Variants in TRANK1 observed in about 807,000 individuals in gnomAD.
The protein encoded by TRANK1 is tetratricopeptide repeat and ankyrin repeat containing 1.
Under a neutral mutation model 266.0 loss-of-function variants are expected in TRANK1, and 198 were observed. That is an observed-to-expected ratio of 0.74 (90% CI 0.66 to 0.84). The LOEUF (loss-of-function observed/expected upper bound fraction) is 0.84, where lower values mean the gene tolerates loss of function less well. TRANK1 is among the 40% of genes least tolerant of loss of function. The pLI is 0.00. For synonymous variants in TRANK1, 1,396 were observed against 1,384.1 expected, an observed-to-expected ratio of 1.01 and a Z score of -0.19; for missense variants, 3,326 against 3,634.6, an observed-to-expected ratio of 0.92 and a Z score of 2.18.
At chr3:36,844,995 C>T (rs74824490) in intron 17 of TRANK1, among the ~76,000 whole-genome samples, 46 of 151,892 alleles carry the variant, frequency 3.0e-4, no homozygotes, top group African/African-American at 8.0e-4. Context: ...TCTCAGTTAT[C>T]GTATCAGGAG....
intron 1 of TRANK1, among the ~76,000 whole-genome samples, chr3:36,929,883 A>ATTATTG (rs2080337326): frequency 6.7e-6 from 1 of 148,940 alleles, no homozygotes; most frequent in African/African-American, 2.5e-5. Flanking sequence ...GATGCAGCAG[A>ATTATTG]TTGTTGTTGT....
chr3:36,940,226 A>T (rs911822308), intron 1 of TRANK1, among the ~76,000 whole-genome samples: 9 of 149,250 alleles, frequency 6.0e-5, no homozygotes, highest in African/African-American at 2.2e-4. Flanking sequence ...GGCCGGGCGC[A>T]GTGGCTCAAG....
intron 5 of TRANK1, among the ~76,000 whole-genome samples, chr3:36,894,566 C>G (rs998814135): frequency 2.0e-5 from 3 of 152,098 alleles, no homozygotes; most frequent in African/African-American, 7.2e-5. Flanking sequence ...TTTTTTAATA[C>G]AGGGGTAAGC....
At chr3:36,923,350 G>A (rs777403804) in intron 1 of TRANK1, among the ~76,000 whole-genome samples, 1 of 150,412 alleles carries the variant, frequency 6.6e-6, no homozygotes, top group Non-Finnish European at 1.5e-5. Flanking sequence ...CCAACTCCCA[G>A]GTTCATGCAA....
intron 8 of TRANK1, among the ~76,000 whole-genome samples, chr3:36,879,617 A>AAT (rs769000707): frequency 4.7e-5 from 2 of 42,616 alleles, no homozygotes; most frequent in Non-Finnish European, 1.0e-4. Context: ...TAAATATACA[A>AAT]ATATATATAA....
intron 1 of TRANK1, among the ~76,000 whole-genome samples, chr3:36,918,510 A>AAGGAAGGAAGGAAG (rs1559473205): frequency 2.7e-5 from 1 of 36,406 alleles, no homozygotes; most frequent in African/African-American, 1.2e-4. Context: ...AAAGAAAGAA[A>AAGGAAGGAAGGAAG]GAAAGAAAGA....
At chr3:36,903,858 G>GA (rs2079921432) in intron 2 of TRANK1, among the ~76,000 whole-genome samples, 1 of 152,218 alleles carries the variant, frequency 6.6e-6, no homozygotes, top group Non-Finnish European at 1.5e-5. Context: ...CAGGCCAGAA[G>GA]AAAAAGGAAA....
intron 7 of TRANK1, among the ~76,000 whole-genome samples, chr3:36,891,208 C>A (rs1159705486): frequency 6.6e-6 from 1 of 152,010 alleles, no homozygotes; most frequent in Non-Finnish European, 1.5e-5. Context: ...GGCGTGGTGG[C>A]GGGGGCCTGT....
At chr3:36,870,962 T>TAAAGAAAAAA (rs2079299065) in intron 9 of TRANK1, among the ~76,000 whole-genome samples, 1 of 65,100 alleles carries the variant, frequency 1.5e-5, no homozygotes, top group African/African-American at 5.8e-5. Context: ...ACAAGGAAAC[T>TAAAGAAAAAA]AAAAAAAAAA....
At chr3:36,898,649 A>G (rs1014228934) in intron 4 of TRANK1, among the ~76,000 whole-genome samples, 1 of 152,120 alleles carries the variant, frequency 6.6e-6, no homozygotes, top group African/African-American at 2.4e-5. Flanking sequence ...CAAGAGATTA[A>G]GGCCATCCTG....
In TRANK1 at chr3:36,833,312, G is replaced by T. The variant is rs755779716; in HGVS notation, c.6271C>A (p.Leu2091Ile). The stretch of plus-strand genomic sequence containing the variant: ...TTGAGAGCCCTGACCAGACTGAGGA[G>T]GATTTCCAAGCCCCCTGGAGCCAGG... ...LGLAPGGLEI[L>I]LSLVRALKRV... Residue 2091 changes from leucine (L) to isoleucine (I), a missense_variant, in exon 22 of 24, where the codon CTC (leucine) becomes ATC (isoleucine). By Grantham distance (5) the Leu-to-Ile change is conservative (BLOSUM62 2). Transcript: ENST00000645898. 6.2e-7 allele frequency: 1 copy of T among 1,613,986 alleles called. No individual in the cohort carries two copies. Among genetic ancestry groups the T allele is most frequent in the African/African-American group, 1.3e-5 (1 of 75,058 alleles).
intron 9 of TRANK1, among the ~76,000 whole-genome samples, chr3:36,865,183 G>A (rs1015768854): frequency 4.6e-5 from 7 of 151,494 alleles, no homozygotes; most frequent in Non-Finnish European, 1.0e-4. Context: ...ACTTGCCACC[G>A]CGCCTGGCTA....
chr3:36,849,313 G>A (rs908891969), intron 15 of TRANK1, among the ~76,000 whole-genome samples: 1 of 152,150 alleles, frequency 6.6e-6, no homozygotes, highest in African/African-American at 2.4e-5. Context: ...GATAGCTTGA[G>A]GGTGACTGGA....
intron 1 of TRANK1, among the ~76,000 whole-genome samples, chr3:36,925,525 C>G (rs776540728): frequency 4.0e-5 from 6 of 150,896 alleles, no homozygotes; most frequent in Non-Finnish European, 7.4e-5. Context: ...TTTTGTTAAA[C>G]AAAGAACCTA....
At chr3:36,944,759 C>T (rs566592423) in intron 1 of TRANK1, 28 bp downstream of exon 1, 178 of 1,501,914 alleles carry the variant, frequency 1.2e-4, no homozygotes, top group Middle Eastern at 1.0e-3. Flanking sequence ...GCCAGAGATG[C>T]CCCAGTGCTT....
rs777388379 is a variant in TRANK1, at chr3:36,856,625, T to G, written c.3097A>C (p.Ser1033Arg). The G allele has an allele frequency of 6.2e-7, 1 of 1,614,058 alleles. No individual in the cohort carries two copies. Among genetic ancestry groups the G allele is most frequent in the East Asian group, 2.2e-5 (1 of 44,892 alleles). ...AGGATGTTAAAGGCCATGTTGGTGC[T>G]GAAGCTGTGGAACTTCATGATGTTA... ...EYNIMKFHSF[S>R]TNMAFNILND... Residue 1033 changes from serine (S) to arginine (R), a missense_variant, in exon 13 of 24, where the codon AGC (serine) becomes CGC (arginine). By Grantham distance (110) the Ser-to-Arg change is moderately radical (BLOSUM62 -1). Transcript: ENST00000645898.
At chr3:36,851,357 A>G in intron 15 of TRANK1, 1 of 1,015,710 alleles carries the variant, frequency 9.8e-7, no homozygotes, top group Non-Finnish European at 1.2e-6. Context: ...CAGGGTGGAC[A>G]TTGCTAACCT....
intron 1 of TRANK1, among the ~76,000 whole-genome samples, chr3:36,930,636 G>C (rs1478532791): frequency 6.6e-6 from 1 of 152,094 alleles, no homozygotes; most frequent in Non-Finnish European, 1.5e-5. Flanking sequence ...ACAAATTGCT[G>C]ATAAAAACAG....
At chr3:36,932,014 C>A (rs1193210720) in intron 1 of TRANK1, among the ~76,000 whole-genome samples, 2 of 152,100 alleles carry the variant, frequency 1.3e-5, no homozygotes, top group Non-Finnish European at 2.9e-5. Flanking sequence ...TCTTCATAAC[C>A]TTTTTATATA....
Sources: allele counts gnomAD v4.1 joint callset (sites outside exome capture counted in the v4.1 genomes callset), GRCh38; gene constraint gnomAD v4.1.1; transcripts MANE v1.5; gene names NCBI Gene and HGNC (gene_info 2026-07-23, HGNC 2026-07-21).